The following SH3RF3 variants were observed in gnomAD, a reference collection of about 807,000 sequenced individuals.
SH3RF3 encodes the protein E3 ubiquitin-protein ligase SH3RF3.
In SH3RF3, 29 loss-of-function variants were observed where a neutral mutation model predicts 66.3. That is an observed-to-expected ratio of 0.44 (90% CI 0.33 to 0.60). The LOEUF (loss-of-function observed/expected upper bound fraction) is 0.60. Ranked by LOEUF, SH3RF3 falls within the 20% of genes least tolerant of loss-of-function variation. The pLI, the probability that SH3RF3 is intolerant of heterozygous loss-of-function variation, is 0.04. For missense variants in SH3RF3, 1,194 were observed against 1,190.9 expected (o/e 1.00, Z -0.04); for synonymous variants, 583 against 532.0 (o/e 1.10, Z -1.32).
chr2:109,215,543 TC>T (rs1388589698), intron 1 of SH3RF3, among the ~76,000 whole-genome samples: 2 of 152,052 alleles, frequency 1.3e-5, no homozygotes, highest in Non-Finnish European at 2.9e-5. Flanking sequence ...CTATGTGGGT[TC>T]CTCTCGGGAG....
chr2:109,196,959 G>C (rs1291808420), intron 1 of SH3RF3, among the ~76,000 whole-genome samples: 1 of 152,212 alleles, frequency 6.6e-6, no homozygotes, highest in Non-Finnish European at 1.5e-5. Context: ...GTGCGCCCCT[G>C]TGCTGGGCAC....
intron 1 of SH3RF3, among the ~76,000 whole-genome samples, chr2:109,150,874 T>C (rs1199851723): frequency 6.6e-6 from 1 of 152,138 alleles, no homozygotes; most frequent in East Asian, 1.9e-4. Context: ...AAAAAAAATA[T>C]GGGCATATAA....
chr2:109,131,657 C>T (rs1285912316), intron 1 of SH3RF3, among the ~76,000 whole-genome samples: 2 of 152,122 alleles, frequency 1.3e-5, no homozygotes, highest in East Asian at 1.9e-4. Context: ...GATGCCACTC[C>T]GGGAATTCTG....
chr2:109,272,815 G>C (rs1238227895), intron 1 of SH3RF3, among the ~76,000 whole-genome samples: 1 of 152,190 alleles, frequency 6.6e-6, no homozygotes, highest in East Asian at 1.9e-4. Flanking sequence ...GCACACGCAG[G>C]ACGTCAGGCT....
intron 1 of SH3RF3, among the ~76,000 whole-genome samples, chr2:109,239,825 A>G (rs1225338007): frequency 6.6e-6 from 1 of 152,158 alleles, no homozygotes; most frequent in Non-Finnish European, 1.5e-5. Context: ...TTTCATCCCC[A>G]CAGCTCACAG....
intron 8 of SH3RF3, among the ~76,000 whole-genome samples, chr2:109,470,206 A>G (rs913894970): frequency 2.0e-5 from 3 of 152,176 alleles, no homozygotes; most frequent in African/African-American, 7.2e-5. Flanking sequence ...CACTACGTAA[A>G]GAGATGAGAT....
intron 7 of SH3RF3, among the ~76,000 whole-genome samples, chr2:109,446,355 C>T (rs1677704528): frequency 6.6e-6 from 1 of 152,178 alleles, no homozygotes; most frequent in Admixed American, 6.5e-5. Flanking sequence ...CGGGCGTTAT[C>T]GTGAATTAAG....
At chr2:109,309,904 A>T (rs1681686783) in intron 1 of SH3RF3, among the ~76,000 whole-genome samples, 1 of 119,934 alleles carries the variant, frequency 8.3e-6, no homozygotes, top group African/African-American at 4.3e-5. Context: ...AGACTTTAAC[A>T]CCCCACTGTC....
At chr2:109,437,741 C>G (rs1408483495) in intron 7 of SH3RF3, among the ~76,000 whole-genome samples, 1 of 151,708 alleles carries the variant, frequency 6.6e-6, no homozygotes, top group Non-Finnish European at 1.5e-5. Flanking sequence ...ACCGGTTTGG[C>G]CCCAGGATGT....
chr2:109,162,411 A>T (rs946092784), intron 1 of SH3RF3, among the ~76,000 whole-genome samples: 2 of 152,012 alleles, frequency 1.3e-5, no homozygotes, highest in Admixed American at 6.5e-5. Flanking sequence ...TTATTTATTT[A>T]TTTTTAATTT....
intron 8 of SH3RF3, among the ~76,000 whole-genome samples, chr2:109,451,566 T>A (rs1346907867): frequency 2.0e-5 from 3 of 152,256 alleles, no homozygotes; most frequent in Non-Finnish European, 4.4e-5. Context: ...CGGAGGATGA[T>A]GCTGTTCCCC....
At chr2:109,160,189 A>G (rs1398218973) in intron 1 of SH3RF3, among the ~76,000 whole-genome samples, 1 of 152,158 alleles carries the variant, frequency 6.6e-6, no homozygotes, top group African/African-American at 2.4e-5. Flanking sequence ...CTCTGCCCTC[A>G]GGAAGCTGAG....
At position 109,136,416 on chromosome 2, in the gene SH3RF3, G is replaced by T. The variant is rs557093415; in HGVS notation, c.573+6303G>T. On this transcript the variant is annotated intron_variant, in intron 1 of 9. Transcript: ENST00000309415. Reference sequence around the variant, plus strand: ...ATTAACTTTAAAAGAACAGGGTGTCGAGCTGAAGGTATTGGCAACAGTGAA... The same window carrying T: ...ATTAACTTTAAAAGAACAGGGTGTCTAGCTGAAGGTATTGGCAACAGTGAA... Among the ~76,000 whole-genome samples, 5 of 152,290 alleles carry T rather than the reference G, an allele frequency of 3.3e-5. No homozygotes were observed. In the East Asian group the frequency reaches 9.7e-4, roughly 29 times the overall value.
At chr2:109,439,501 C>T (rs776004243) in intron 7 of SH3RF3, among the ~76,000 whole-genome samples, 4 of 152,210 alleles carry the variant, frequency 2.6e-5, no homozygotes, top group Admixed American at 6.5e-5. Context: ...CAGACCCCAA[C>T]CCCGATGGGT....
At chr2:109,407,166 A>G (rs995251347) in intron 4 of SH3RF3, among the ~76,000 whole-genome samples, 5 of 145,830 alleles carry the variant, frequency 3.4e-5, no homozygotes, top group African/African-American at 9.7e-5. Context: ...TCCAGCCAGG[A>G]CCAGCACCTT....
At chr2:109,164,321 C>G (rs543824076) in intron 1 of SH3RF3, among the ~76,000 whole-genome samples, 1 of 152,126 alleles carries the variant, frequency 6.6e-6, no homozygotes, top group African/African-American at 2.4e-5. Context: ...GTAGCTAGGA[C>G]TACAGCACAG....
intron 1 of SH3RF3, among the ~76,000 whole-genome samples, chr2:109,205,266 T>TA (rs1678783945): frequency 6.6e-6 from 1 of 151,782 alleles, no homozygotes; most frequent in Admixed American, 6.6e-5. Flanking sequence ...TGTGACTTTT[T>TA]TTTTTTTTTT....
intron 1 of SH3RF3, among the ~76,000 whole-genome samples, chr2:109,249,235 G>C (rs777097825): frequency 2.0e-5 from 3 of 152,178 alleles, no homozygotes; most frequent in Admixed American, 6.5e-5. Flanking sequence ...CTCCTACCCT[G>C]TTCTTTCTTC....
chr2:109,227,894 T>C (rs1679409240), intron 1 of SH3RF3, among the ~76,000 whole-genome samples: 1 of 152,260 alleles, frequency 6.6e-6, no homozygotes, highest in African/African-American at 2.4e-5. Context: ...TGCAGTTCCC[T>C]GTAGGCTTCA....
Sources: gnomAD v4.1 joint callset for allele counts (sites outside exome capture counted in the v4.1 genomes callset) on GRCh38, gnomAD v4.1.1 for gene constraint, MANE v1.5 for transcripts, NCBI Gene and HGNC (gene_info 2026-07-23, HGNC 2026-07-21) for gene names.